The following SAV1 variants were observed in gnomAD, a reference collection of about 807,000 sequenced individuals.
SAV1 encodes protein salvador homolog 1.
SAV1 carries 23 observed loss-of-function variants against 47.3 expected under a neutral mutation model. The observed-to-expected ratio is 0.49, with a 90% CI of 0.35 to 0.69. SAV1 has a LOEUF of 0.69. SAV1 is among the 30% of genes least tolerant of loss of function. The probability of loss-of-function intolerance (pLI) is 0.01; values close to 1 mark genes in which losing one functional copy is unlikely to be tolerated. For missense variants in SAV1, 448 were observed against 457.4 expected (o/e 0.98, Z 0.19); for synonymous variants, 155 against 159.2 (o/e 0.97, Z 0.20).
intron 2 of SAV1, among the ~76,000 whole-genome samples, chr14:50,646,663 C>T (rs1301197728): frequency 1.5e-5 from 2 of 132,306 alleles, no homozygotes; most frequent in Admixed American, 8.7e-5. Flanking sequence ...CCATCCTGGG[C>T]GACGAGAGTG....
intron 2 of SAV1, chr14:50,664,653 A>C (rs1275084840): frequency 1.3e-5 from 2 of 152,276 alleles, no homozygotes; most frequent in African/African-American, 4.8e-5. Flanking sequence ...TATGACAATA[A>C]GTCTTTTTGA....
chr14:50,642,630 AAGTT>A (rs768395410), intron 3 of SAV1, among the ~76,000 whole-genome samples: 4 of 152,164 alleles, frequency 2.6e-5, no homozygotes, highest in African/African-American at 9.7e-5. Flanking sequence ...CCTAAAATAA[AAGTT>A]AGGGAGAAAA....
At position 50,649,112 on chromosome 14, in the gene SAV1, T is replaced by C. The variant is rs1203294831; in HGVS notation, c.536-4098A>G. Reference sequence around the variant, plus strand: ...TCAAACACGGCAGGTACTGGCTGTTTATTCTCCCTAGAAGATTCTTCCTTC... The same window carrying C: ...TCAAACACGGCAGGTACTGGCTGTTCATTCTCCCTAGAAGATTCTTCCTTC... On this transcript the variant is annotated intron_variant, in intron 2 of 4. Transcript: ENST00000324679. Among the ~76,000 whole-genome samples, 4 of 152,188 alleles carry C rather than the reference T, an allele frequency of 2.6e-5. No individual in the cohort carries two copies. The East Asian group carries it at 7.7e-4, about 29-fold the overall frequency.
chr14:50,649,050 C>T (rs766129775), intron 2 of SAV1, among the ~76,000 whole-genome samples: 21 of 152,110 alleles, frequency 1.4e-4, no homozygotes, highest in Admixed American at 2.6e-4. Flanking sequence ...CCTTAGCTCA[C>T]TCTGTTCCAG....
At chr14:50,650,353 A>T (rs1595643150) in intron 2 of SAV1, among the ~76,000 whole-genome samples, 1 of 152,162 alleles carries the variant, frequency 6.6e-6, no homozygotes, top group East Asian at 1.9e-4. Flanking sequence ...AATGAAGATG[A>T]TTTCTATTTA....
rs948841598 is a variant in SAV1 at position 50,634,560 on chromosome 14, A to C, written c.*623T>G. On this transcript the variant is annotated 3_prime_UTR_variant, in exon 5 of 5. Coordinates refer to ENST00000324679, the MANE Select transcript of SAV1 (RefSeq NM_021818.4). ...GAGATGGGGCTTCACCATGTTGCCC[A>C]GGCTGGTCTTAAACTCGTGGACTCA... The C allele has an allele frequency of 1.2e-5, 2 of 161,624 alleles. No homozygotes were observed. Among genetic ancestry groups the C allele is most frequent in the Non-Finnish European group, 2.7e-5 (2 of 74,060 alleles). The allele number at this position is 161,624 out of a possible 1,614,324, so 10.0% of individuals were successfully genotyped here.
At chr14:50,652,214 ATGT>A (rs899602636) in intron 2 of SAV1, among the ~76,000 whole-genome samples, 47 of 152,338 alleles carry the variant, frequency 3.1e-4, no homozygotes, top group African/African-American at 1.1e-3. Context: ...AAGATGGTAA[ATGT>A]TGTTATGTGT....
intron 2 of SAV1, among the ~76,000 whole-genome samples, chr14:50,647,333 T>A (rs3015496): frequency 6.6e-6 from 1 of 151,780 alleles, no homozygotes; most frequent in Non-Finnish European, 1.5e-5. Context: ...TGTTTGCAAA[T>A]CACATTATTA....
At chr14:50,666,577 A>C (rs2039902891) in intron 1 of SAV1, among the ~76,000 whole-genome samples, 1 of 152,210 alleles carries the variant, frequency 6.6e-6, no homozygotes, top group African/African-American at 2.4e-5. Context: ...GTAGATCAAA[A>C]GTTATTTGCT....
intron 2 of SAV1, among the ~76,000 whole-genome samples, chr14:50,659,353 C>CTCA (rs1182651116): frequency 2.0e-5 from 3 of 152,154 alleles, no homozygotes; most frequent in Non-Finnish European, 4.4e-5. Flanking sequence ...TGAAGCCTCC[C>CTCA]TCATAAAATT....
In SAV1 at chr14:50,636,189, T is replaced by C. The variant is rs117049175; in HGVS notation, c.951-805A>G. On this transcript the variant is annotated intron_variant, in intron 4 of 4. Transcript: ENST00000324679. ...TGAAGAACATATTTTGTGCTACTTA[T>C]AAGTTCATCAAAAGTTAACTGTCAG... 7.2e-3 allele frequency among the ~76,000 whole-genome samples: 1,095 copies of C among 152,332 alleles called. 2 individuals are homozygous for C. Among genetic ancestry groups the C allele is most frequent in the Middle Eastern group, 0.014 (4 of 294 alleles).
chr14:50,649,148 T>C (rs72681607), intron 2 of SAV1, among the ~76,000 whole-genome samples: 28,178 of 152,186 alleles, frequency 0.19, 3,033 homozygotes, highest in African/African-American at 0.29. Flanking sequence ...AGATATTCTC[T>C]TGGCTCACTC....
chr14:50,636,655 T>C (rs558957063), intron 4 of SAV1, among the ~76,000 whole-genome samples: 73 of 152,298 alleles, frequency 4.8e-4, no homozygotes, highest in African/African-American at 1.7e-3. Flanking sequence ...CTGTAATTAA[T>C]ATTCTCATTT....
chr14:50,635,682 G>A (rs1277799944), intron 4 of SAV1, among the ~76,000 whole-genome samples: 2 of 152,120 alleles, frequency 1.3e-5, no homozygotes, highest in African/African-American at 4.8e-5. Context: ...AAAAATCTGA[G>A]TTATTAACTG....
chr14:50,649,717 C>A (rs577253289), intron 2 of SAV1, among the ~76,000 whole-genome samples: 1 of 152,122 alleles, frequency 6.6e-6, no homozygotes. Context: ...AACAGTTGCA[C>A]CCCAGACAAA....
intron 2 of SAV1, among the ~76,000 whole-genome samples, chr14:50,651,968 T>C (rs140744054): frequency 3.9e-5 from 6 of 152,306 alleles, no homozygotes; most frequent in African/African-American, 9.6e-5. Flanking sequence ...TCGGGAAATA[T>C]CCTAAATTTA....
At chr14:50,660,136 G>A (rs1022517861) in intron 2 of SAV1, among the ~76,000 whole-genome samples, 2 of 152,170 alleles carry the variant, frequency 1.3e-5, no homozygotes, top group African/African-American at 2.4e-5. Context: ...GACACCAAAT[G>A]GACCAGTGTT....
At chr14:50,663,490 C>CT (rs1262072405) in intron 2 of SAV1, among the ~76,000 whole-genome samples, 1 of 152,300 alleles carries the variant, frequency 6.6e-6, no homozygotes, top group East Asian at 1.9e-4. Context: ...CTAAAAGGTG[C>CT]TTTTACCCAT....
chr14:50,649,316 T>C (rs1305308265), intron 2 of SAV1, among the ~76,000 whole-genome samples: 1 of 152,194 alleles, frequency 6.6e-6, no homozygotes, highest in East Asian at 1.9e-4. Flanking sequence ...CCTACAAGAA[T>C]CCCACAAAGA....
Sources: gnomAD v4.1 joint callset for allele counts (sites outside exome capture counted in the v4.1 genomes callset) on GRCh38, gnomAD v4.1.1 for gene constraint, MANE v1.5 for transcripts, NCBI Gene and HGNC (gene_info 2026-07-23, HGNC 2026-07-21) for gene names.